Variants in IKZF1 observed in about 807,000 individuals in gnomAD.
The protein encoded by IKZF1 is IKAROS family zinc finger 1.
Under a neutral mutation model 51.7 loss-of-function variants are expected in IKZF1, and 10 were observed. The ratio of observed to expected loss-of-function variants is 0.19; its 90% CI spans 0.12 to 0.33. The LOEUF is 0.33. Ranked by LOEUF, IKZF1 falls within the 10% of genes least tolerant of loss-of-function variation. The pLI is 1.00. For synonymous variants in IKZF1, 280 were observed against 282.3 expected (o/e 0.99, Z 0.08); for missense variants, 484 against 707.5 (o/e 0.68, Z 3.58).
intron 3 of IKZF1, among the ~76,000 whole-genome samples, chr7:50,330,521 C>A (rs907464110): frequency 6.6e-6 from 1 of 152,112 alleles, no homozygotes; most frequent in Admixed American, 6.5e-5. Flanking sequence ...TTCCACAAGA[C>A]CGAAGTGCCC....
intron 4 of IKZF1, among the ~76,000 whole-genome samples, chr7:50,380,304 T>C (rs75456464): frequency 0.07 from 10,660 of 152,244 alleles, 519 homozygotes; most frequent in South Asian, 0.093. Flanking sequence ...TATTAAGACA[T>C]CAGACACTGC....
intron 3 of IKZF1, among the ~76,000 whole-genome samples, chr7:50,334,953 T>A (rs1797295570): frequency 6.6e-6 from 1 of 151,186 alleles, no homozygotes; most frequent in Admixed American, 6.6e-5. Context: ...ATGGTGTGTA[T>A]GTGTGGTGTG....
chr7:50,370,063 A>G (rs1808204071), intron 3 of IKZF1, among the ~76,000 whole-genome samples: 1 of 152,190 alleles, frequency 6.6e-6, no homozygotes, highest in Admixed American at 6.5e-5. Context: ...TTCAAGATAT[A>G]TCTTAAATAT....
chr7:50,317,622 C>T (rs1036778476), intron 1 of IKZF1, among the ~76,000 whole-genome samples: 10 of 152,136 alleles, frequency 6.6e-5, no homozygotes, highest in Non-Finnish European at 7.3e-5. Flanking sequence ...CACACACCTA[C>T]CTTGAAAATT....
chr7:50,310,414 A>G (rs1789877275), intron 1 of IKZF1, among the ~76,000 whole-genome samples: 1 of 152,232 alleles, frequency 6.6e-6, no homozygotes. Context: ...TATGGACAGG[A>G]GCATTTTCTG....
intron 3 of IKZF1, among the ~76,000 whole-genome samples, chr7:50,333,000 C>T (rs1426950230): frequency 6.6e-6 from 1 of 151,048 alleles, no homozygotes; most frequent in Non-Finnish European, 1.5e-5. Flanking sequence ...CCTGGCAGCA[C>T]TGAGAGATAG....
In IKZF1 at chr7:50,403,396, T is replaced by C; in HGVS notation, c.*2769T>C. On this transcript the variant is annotated 3_prime_UTR_variant, in exon 8 of 8. Transcript: ENST00000331340. ...GTGTGTCTTGGGTACCGCTGTGTACTACTGTGTGCCTAGATTCCATGCACT... is the reference window on the plus strand; with the variant it reads ...GTGTGTCTTGGGTACCGCTGTGTACCACTGTGTGCCTAGATTCCATGCACT... 4.5e-6 allele frequency: 1 copy of C among 222,766 alleles called. No homozygotes were observed. The highest frequency in any genetic ancestry group is 9.0e-6 in the Non-Finnish European group (1 of 111,394). 13.8% of individuals were successfully genotyped at this position (222,766 alleles called of 1,614,324 possible). A position where few individuals can be genotyped will look rare whatever the true frequency, so the allele number is the denominator to read the frequency against.
At chr7:50,305,623 T>C (rs1464475949) in intron 1 of IKZF1, among the ~76,000 whole-genome samples, 1 of 152,166 alleles carries the variant, frequency 6.6e-6, no homozygotes, top group Non-Finnish European at 1.5e-5. Flanking sequence ...CTTCCCTCTC[T>C]CTAGGGACTG....
chr7:50,365,273 T>C (rs900359085), intron 3 of IKZF1, among the ~76,000 whole-genome samples: 1 of 152,246 alleles, frequency 6.6e-6, no homozygotes, highest in African/African-American at 2.4e-5. Flanking sequence ...CAGAAGTTTA[T>C]GTGCCTGAAC....
chr7:50,312,674 T>C (rs1421900871), intron 1 of IKZF1, among the ~76,000 whole-genome samples: 2 of 152,238 alleles, frequency 1.3e-5, no homozygotes, highest in East Asian at 3.8e-4. Flanking sequence ...TTTAACTGTA[T>C]TTTGAAAGGT....
Position 50,339,772 on chromosome 7 carries a change from GA to G in IKZF1, c.160+12019del, listed in dbSNP as rs1435532497. ...AAAAAAAAAAAAAGAAAGAAAGAAA[GA>G]AAAGGATTCTGTGTCTTATTTATGA... On this transcript the variant is annotated intron_variant, in intron 3 of 7. Coordinates refer to ENST00000331340, the MANE Select transcript of IKZF1 (RefSeq NM_006060.6). Among the ~76,000 whole-genome samples the G allele has an allele frequency of 3.3e-5, 5 of 151,724 alleles. No individual in the cohort carries two copies. The South Asian group carries it at 1.0e-3, about 32-fold the overall frequency.
chr7:50,364,853 T>C (rs1316327069), intron 3 of IKZF1, among the ~76,000 whole-genome samples: 1 of 152,190 alleles, frequency 6.6e-6, no homozygotes, highest in African/African-American at 2.4e-5. Flanking sequence ...GGTGCCAGGC[T>C]TAGCTGCTGG....
At chr7:50,371,843 C>T (rs758336419) in intron 3 of IKZF1, among the ~76,000 whole-genome samples, 1 of 152,186 alleles carries the variant, frequency 6.6e-6, no homozygotes, top group African/African-American at 2.4e-5. Context: ...ACAGAAGATT[C>T]CAGATTTCAG....
At chr7:50,305,843 G>C (rs937326300) in intron 1 of IKZF1, among the ~76,000 whole-genome samples, 8 of 152,144 alleles carry the variant, frequency 5.3e-5, no homozygotes, top group Non-Finnish European at 1.0e-4. Flanking sequence ...TACTGCGTAT[G>C]ATATTTAAAC....
At chr7:50,339,215 T>TTTTGTGTG in intron 3 of IKZF1, among the ~76,000 whole-genome samples, 1 of 126,404 alleles carries the variant, frequency 7.9e-6, no homozygotes, top group East Asian at 2.3e-4. Flanking sequence ...TTGGGTAGGG[T>TTTTGTGTG]TGTGTGTGTG....
chr7:50,349,498 G>A (rs952683083), intron 3 of IKZF1, among the ~76,000 whole-genome samples: 6 of 152,224 alleles, frequency 3.9e-5, no homozygotes, highest in African/African-American at 1.4e-4. Flanking sequence ...GGAACAGGGA[G>A]TGGGAACAAA....
At chr7:50,315,355 G>C (rs1791270954) in intron 1 of IKZF1, among the ~76,000 whole-genome samples, 1 of 152,212 alleles carries the variant, frequency 6.6e-6, no homozygotes, top group East Asian at 1.9e-4. Context: ...TCCCAAGTCA[G>C]TGAGCAGTCC....
intron 3 of IKZF1, 74 bp downstream of exon 3, chr7:50,327,831 G>A (rs557357087): frequency 4.9e-6 from 7 of 1,439,744 alleles, no homozygotes; most frequent in East Asian, 2.5e-5. Flanking sequence ...CAGTGATGAA[G>A]GGATGCAAGT....
rs549435180 is a variant in IKZF1 at position 50,346,033 on chromosome 7, A to G, written c.160+18276A>G. ...CTGACTGCAGTCTGACTGTTCTCCT[A>G]GTGGAAAGGGGAGCAATAGCTTCTG... On this transcript the variant is annotated intron_variant, in intron 3 of 7. Coordinates refer to ENST00000331340, the MANE Select transcript of IKZF1 (RefSeq NM_006060.6). Among the ~76,000 whole-genome samples, 6 of 152,336 alleles carry G rather than the reference A, an allele frequency of 3.9e-5. 1 individual carries two copies. Among genetic ancestry groups the G allele is most frequent in the African/African-American group, 1.4e-4 (6 of 41,584 alleles).
Sources: gnomAD v4.1 joint callset for allele counts (sites outside exome capture counted in the v4.1 genomes callset) on GRCh38, gnomAD v4.1.1 for gene constraint, MANE v1.5 for transcripts, NCBI Gene and HGNC (gene_info 2026-07-23, HGNC 2026-07-21) for gene names.